Variants in ESR1 observed in about 807,000 individuals in gnomAD.
ESR1 encodes estrogen receptor 1, also known as estrogen receptor.
Under a neutral mutation model 52.7 loss-of-function variants are expected in ESR1, and 12 were observed. The ratio of observed to expected loss-of-function variants is 0.23; its 90% confidence interval spans 0.15 to 0.37. The LOEUF (loss-of-function observed/expected upper bound fraction) is 0.37. Ranked by LOEUF, ESR1 falls within the 10% of genes least tolerant of loss-of-function variation. The pLI is 1.00. For missense variants in ESR1, 584 were observed against 779.7 expected, an observed-to-expected ratio of 0.75 and a Z score of 2.99; for synonymous variants, 305 against 316.8, an observed-to-expected ratio of 0.96 and a Z score of 0.39.
At chr6:151,860,601 G>A (rs995161145) in intron 2 of ESR1, among the ~76,000 whole-genome samples, 1 of 152,074 alleles carries the variant, frequency 6.6e-6, no homozygotes, top group African/African-American at 2.4e-5. Context: ...ATATTATTCA[G>A]CTTTCAAAAA....
intron 4 of ESR1, among the ~76,000 whole-genome samples, chr6:151,959,529 C>T (rs1028930298): frequency 3.9e-5 from 6 of 152,136 alleles, no homozygotes; most frequent in East Asian, 3.9e-4. Context: ...CCCGTGCCAA[C>T]GCTGTGCAGT....
intron 2 of ESR1, among the ~76,000 whole-genome samples, chr6:151,843,929 A>G (rs1424837475): frequency 1.3e-5 from 2 of 151,022 alleles, no homozygotes; most frequent in Non-Finnish European, 3.0e-5. Flanking sequence ...TTTTTTTAAA[A>G]GCTGTTCATA....
At chr6:151,721,694 A>T (rs1412511831) in intron 2 of ESR1, among the ~76,000 whole-genome samples, 1 of 152,212 alleles carries the variant, frequency 6.6e-6, no homozygotes, top group Non-Finnish European at 1.5e-5. Context: ...AAGCTGGGAG[A>T]ATAAGATACT....
At chr6:151,844,697 A>G (rs1048778333) in intron 2 of ESR1, among the ~76,000 whole-genome samples, 4 of 152,220 alleles carry the variant, frequency 2.6e-5, no homozygotes, top group Non-Finnish European at 5.9e-5. Flanking sequence ...TATCTGATCT[A>G]AATACCTTTA....
At chr6:152,106,847 G>C (rs963733433), downstream of ESR1, among the ~76,000 whole-genome samples, 4 of 152,098 alleles carry the variant, frequency 2.6e-5, no homozygotes, top group South Asian at 2.1e-4. Context: ...CTCCAGCAAT[G>C]CTCCTGCCTT....
At chr6:151,801,802 T>C (rs1777272375), upstream of ESR1, among the ~76,000 whole-genome samples, 1 of 152,234 alleles carries the variant, frequency 6.6e-6, no homozygotes, top group Admixed American at 6.5e-5. Flanking sequence ...AAGAAGAGTC[T>C]GACTGAGAAG....
At chr6:151,925,200 T>C (rs1008649496) in intron 3 of ESR1, among the ~76,000 whole-genome samples, 4 of 152,230 alleles carry the variant, frequency 2.6e-5, no homozygotes, top group African/African-American at 9.6e-5. Context: ...TATCTCATCA[T>C]GGCTTTAATT....
chr6:151,858,299 G>A (rs1788243370), intron 2 of ESR1, among the ~76,000 whole-genome samples: 1 of 152,202 alleles, frequency 6.6e-6, no homozygotes, highest in Non-Finnish European at 1.5e-5. Flanking sequence ...GGTCTTTACA[G>A]CTGCTGGCCT....
chr6:151,831,340 A>G (rs771488102), intron 1 of ESR1, among the ~76,000 whole-genome samples: 1 of 152,020 alleles, frequency 6.6e-6, no homozygotes, highest in Non-Finnish European at 1.5e-5. Context: ...GGGTCTTGCT[A>G]TGTTGCCCAG....
At chr6:152,116,901 G>A (rs1011511387) in intron 6 of ESR1, among the ~76,000 whole-genome samples, 2 of 152,086 alleles carry the variant, frequency 1.3e-5, no homozygotes, top group Non-Finnish European at 2.9e-5. Context: ...CCAATTGTTC[G>A]GTGAAGCCAA....
chr6:151,780,575 C>T (rs1482775403), intron 2 of ESR1, among the ~76,000 whole-genome samples: 1 of 152,132 alleles, frequency 6.6e-6, no homozygotes, highest in East Asian at 1.9e-4. Context: ...TTAAAAACTC[C>T]TCTCATGATT....
At chr6:152,093,211 G>T (rs566401448) in intron 6 of ESR1, among the ~76,000 whole-genome samples, 1 of 151,996 alleles carries the variant, frequency 6.6e-6, no homozygotes, top group South Asian at 2.1e-4. Context: ...GGGAGGCAGA[G>T]GTTGCAGTGA....
Position 152,053,546 on chromosome 6 carries a change from C to T in ESR1, c.1236-7445C>T, listed in dbSNP as rs935232963. On this transcript the variant is annotated intron_variant, in intron 5 of 7. Coordinates refer to ENST00000206249, the MANE Select transcript of ESR1 (RefSeq NM_000125.4). This position sits in a 1 kb window ranked among gnomAD's most constrained non-coding sequence, Gnocchi z 4.1. ...TCTCAATCTCTCTCTTCCTCTCTCT[C>T]TTATCCTCTCTTTCTCTCAATCCCT... 1.9e-4 allele frequency among the ~76,000 whole-genome samples: 29 copies of T among 151,752 alleles called. No homozygotes were observed. The highest frequency in any genetic ancestry group is 6.8e-4 in the African/African-American group (28 of 41,296).
At chr6:151,662,978 T>C (rs1033168440) in intron 1 of ESR1, among the ~76,000 whole-genome samples, 2 of 152,210 alleles carry the variant, frequency 1.3e-5, no homozygotes, top group Non-Finnish European at 2.9e-5. Context: ...ATTCCAGGAA[T>C]AGTTAAGCCT....
intron 1 of ESR1, among the ~76,000 whole-genome samples, chr6:151,825,053 TA>T (rs1357632497): frequency 1.3e-4 from 20 of 152,228 alleles, no homozygotes; most frequent in African/African-American, 4.6e-4. Context: ...TCTTATTTTT[TA>T]ATTGGATTTC....
At chr6:151,678,048 A>G (rs1241754331) in intron 1 of ESR1, among the ~76,000 whole-genome samples, 5 of 152,204 alleles carry the variant, frequency 3.3e-5, no homozygotes, top group Non-Finnish European at 7.3e-5. Flanking sequence ...GTTTGGTTTG[A>G]TTATAGGTGT....
rs180749397 is a variant in ESR1 at position 151,728,715 on chromosome 6, C to A, written c.-71+26710C>A. Among the ~76,000 whole-genome samples the A allele has an allele frequency of 6.5e-3, 991 of 152,260 alleles. 14 individuals are homozygous for A. The highest frequency in any genetic ancestry group is 0.022 in the African/African-American group (913 of 41,548). ...CCTCCTTTTAAAATTCTCTTTCCTACCCTCCACCCCTCACTGTTTACCAAA... is the reference window on the plus strand; with the variant it reads ...CCTCCTTTTAAAATTCTCTTTCCTAACCTCCACCCCTCACTGTTTACCAAA... On this transcript the variant is annotated intron_variant, in intron 2 of 2. Coordinates refer to the ESR1 transcript ENST00000404742.
At chr6:152,087,688 A>G (rs958331658) in intron 6 of ESR1, among the ~76,000 whole-genome samples, 2 of 152,226 alleles carry the variant, frequency 1.3e-5, no homozygotes, top group African/African-American at 4.8e-5. Context: ...ATCCATGGAT[A>G]GATCATCCTC....
At chr6:151,867,414 T>TAC (rs34943625) in intron 2 of ESR1, among the ~76,000 whole-genome samples, 45,049 of 147,436 alleles carry the variant, frequency 0.31, 7,247 homozygotes, top group Non-Finnish European at 0.39. Context: ...TCAACAAATT[T>TAC]ACACACACAC....
Sources: allele counts gnomAD v4.1 joint callset (sites outside exome capture counted in the v4.1 genomes callset), GRCh38; gene constraint gnomAD v4.1.1; non-coding constraint Gnocchi (gnomAD v3.1); transcripts MANE v1.5; gene names NCBI Gene and HGNC (gene_info 2026-07-23, HGNC 2026-07-21).